GLRA1: variants seen among roughly 807,000 people sequenced by gnomAD.
GLRA1 encodes glycine receptor subunit alpha-1.
A neutral mutation model predicts 48.3 loss-of-function variants in GLRA1; 37 were observed. That is an observed-to-expected ratio of 0.77 (90% confidence interval 0.59 to 1.01). The LOEUF is 1.01. GLRA1 is among the 50% of genes least tolerant of loss of function. The probability of loss-of-function intolerance (pLI) is 0.00; values close to 1 mark genes in which losing one functional copy is unlikely to be tolerated. For synonymous variants in GLRA1, 196 were observed against 210.7 expected (o/e 0.93, Z 0.60); for missense variants, 427 against 571.0 (o/e 0.75, Z 2.57).
intron 7 of GLRA1, among the ~76,000 whole-genome samples, chr5:151,832,261 T>A (rs1051839846): frequency 2.6e-5 from 4 of 152,116 alleles, no homozygotes; most frequent in Non-Finnish European, 4.4e-5. Context: ...GGATCACAAC[T>A]CCTTGCCAGC....
chr5:151,866,088 C>T (rs921052641), intron 3 of GLRA1, among the ~76,000 whole-genome samples: 2 of 152,206 alleles, frequency 1.3e-5, no homozygotes, highest in African/African-American at 4.8e-5. Flanking sequence ...GGTTCCACCT[C>T]TGAGAGCTGG....
At chr5:151,846,878 T>C (rs1320600114) in intron 7 of GLRA1, among the ~76,000 whole-genome samples, 4 of 152,204 alleles carry the variant, frequency 2.6e-5, no homozygotes, top group Non-Finnish European at 5.9e-5. Context: ...ACCATTGAGT[T>C]AATGTTAATT....
chr5:151,881,492 AT>A (rs3033233), intron 3 of GLRA1, among the ~76,000 whole-genome samples: 13,327 of 116,700 alleles, frequency 0.11, 791 homozygotes, highest in African/African-American at 0.16. Context: ...ATGCCCTGCA[AT>A]TTTTTTTTTT....
chr5:151,918,650 A>C (rs1754795306), intron 1 of GLRA1, among the ~76,000 whole-genome samples: 1 of 152,228 alleles, frequency 6.6e-6, no homozygotes, highest in Non-Finnish European at 1.5e-5. Context: ...GGGAATATAG[A>C]ATTGCGAGGG....
chr5:151,838,664 A>C (rs1016896441), intron 7 of GLRA1, among the ~76,000 whole-genome samples: 1 of 152,194 alleles, frequency 6.6e-6, no homozygotes, highest in African/African-American at 2.4e-5. Flanking sequence ...ACAGCCCCAG[A>C]AACCTGTGGG....
At chr5:151,865,754 G>A (rs1314853200) in intron 3 of GLRA1, among the ~76,000 whole-genome samples, 1 of 152,068 alleles carries the variant, frequency 6.6e-6, no homozygotes, top group East Asian at 1.9e-4. Context: ...ATTATGAAAT[G>A]ACTAATGAAA....
At chr5:151,836,453 C>G (rs183218261) in intron 7 of GLRA1, among the ~76,000 whole-genome samples, 10 of 152,314 alleles carry the variant, frequency 6.6e-5, no homozygotes, top group Non-Finnish European at 1.3e-4. Flanking sequence ...TTAGAAAAAA[C>G]TACTTCAAAT....
chr5:151,890,866 T>C (rs1042369965), intron 2 of GLRA1, among the ~76,000 whole-genome samples: 10 of 152,154 alleles, frequency 6.6e-5, no homozygotes, highest in African/African-American at 2.4e-4. Context: ...TGCTGGAAGC[T>C]ATGGCCTCAG....
intron 3 of GLRA1, among the ~76,000 whole-genome samples, chr5:151,878,613 C>G (rs73285976): frequency 0.056 from 8,565 of 152,234 alleles, 837 homozygotes; most frequent in African/African-American, 0.19. Context: ...GGTCCCTGTG[C>G]TGTGTGCGGT....
chr5:151,885,024 A>G (rs1221735799), intron 3 of GLRA1, among the ~76,000 whole-genome samples: 1 of 152,196 alleles, frequency 6.6e-6, no homozygotes, highest in African/African-American at 2.4e-5. Context: ...GACCATCTCC[A>G]TTTGGAGATA....
Position 151,924,643 on chromosome 5 carries a change from A to G in GLRA1, c.-94T>C, listed in dbSNP as rs543726938. Reference sequence around the variant, plus strand: ...AAACCAGAAAGCGCTATTGCAAAAAATAATCCAGATGTTAAAGGGAGGCGG... The same window carrying G: ...AAACCAGAAAGCGCTATTGCAAAAAGTAATCCAGATGTTAAAGGGAGGCGG... On this transcript the variant is annotated 5_prime_UTR_variant, in exon 1 of 9. Coordinates refer to ENST00000274576, the MANE Select transcript of GLRA1 (RefSeq NM_000171.4). 2 of 822,854 alleles carry G rather than the reference A, an allele frequency of 2.4e-6. No homozygotes were observed. Among genetic ancestry groups the G allele is most frequent in the East Asian group, 2.4e-5 (1 of 41,314 alleles). The allele number at this position is 822,854 out of a possible 1,614,324, so 51.0% of individuals were successfully genotyped here.
chr5:151,871,555 GCTTTTTTTTTTTT>G (rs1753484537), intron 3 of GLRA1, among the ~76,000 whole-genome samples: 2 of 147,048 alleles, frequency 1.4e-5, no homozygotes, highest in South Asian at 2.1e-4. Context: ...AACCTGAGAG[GCTTTTTTTTTTTT>G]CTTTTTTTTT....
At chr5:151,839,827 T>C (rs1763669126) in intron 7 of GLRA1, among the ~76,000 whole-genome samples, 1 of 152,170 alleles carries the variant, frequency 6.6e-6, no homozygotes, top group Admixed American at 6.6e-5. Flanking sequence ...CACCAGCAAC[T>C]GAATTAGCTG....
chr5:151,884,567 G>A (rs1222980232), intron 3 of GLRA1, among the ~76,000 whole-genome samples: 1 of 152,214 alleles, frequency 6.6e-6, no homozygotes, highest in Admixed American at 6.5e-5. Context: ...AAGCAAATAA[G>A]CTCCTCGTAG....
chr5:151,863,898 A>G (rs966407392), intron 3 of GLRA1, among the ~76,000 whole-genome samples: 11 of 152,156 alleles, frequency 7.2e-5, no homozygotes, highest in Non-Finnish European at 1.2e-4. Context: ...AAGATATTTT[A>G]TAGGATTGTT....
chr5:151,921,824 A>G (rs1581670373), intron 1 of GLRA1, among the ~76,000 whole-genome samples: 1 of 152,308 alleles, frequency 6.6e-6, no homozygotes, highest in East Asian at 1.9e-4. Flanking sequence ...TTTTAGAACC[A>G]TAGGTTTTTA....
chr5:151,843,799 G>A (rs966384559), intron 7 of GLRA1, among the ~76,000 whole-genome samples: 5 of 152,124 alleles, frequency 3.3e-5, no homozygotes, highest in South Asian at 2.1e-4. Flanking sequence ...TTTTTTTGAC[G>A]AGGGTATCAA....
At chr5:151,895,613 GTGTGTGTGTGTC>G (rs1754208732) in intron 1 of GLRA1, among the ~76,000 whole-genome samples, 1 of 139,294 alleles carries the variant, frequency 7.2e-6, no homozygotes, top group Non-Finnish European at 1.6e-5. Flanking sequence ...TTGCAGCATG[GTGTGTGTGTGTC>G]TGTGTGTGTG....
At chr5:151,864,139 A>G (rs902352825) in intron 3 of GLRA1, among the ~76,000 whole-genome samples, 26 of 150,120 alleles carry the variant, frequency 1.7e-4, no homozygotes, top group African/African-American at 3.9e-4. Flanking sequence ...TGAAGTGTGC[A>G]TGTGTGTGTG....
Sources: allele counts gnomAD v4.1 joint callset (sites outside exome capture counted in the v4.1 genomes callset), GRCh38; gene constraint gnomAD v4.1.1; transcripts MANE v1.5; gene names NCBI Gene and HGNC (gene_info 2026-07-23, HGNC 2026-07-21).